The following SUFU variants were observed in gnomAD, a reference collection of about 807,000 sequenced individuals.
SUFU encodes the protein SUFU negative regulator of hedgehog signaling, also known as suppressor of fused homolog.
In SUFU, 7 loss-of-function variants were observed where a neutral mutation model predicts 58.9. The observed-to-expected ratio is 0.12, with a 90% CI of 0.07 to 0.22. The LOEUF is 0.22. Ranked by LOEUF, SUFU falls within the 10% of genes least tolerant of loss-of-function variation. SUFU has a pLI of 1.00. For missense variants in SUFU, 451 were observed against 641.3 expected (o/e 0.70, Z 3.20); for synonymous variants, 232 against 254.8 (o/e 0.91, Z 0.85).
At chr10:102,555,970 T>G (rs2062971605) in intron 3 of SUFU, among the ~76,000 whole-genome samples, 1 of 152,226 alleles carries the variant, frequency 6.6e-6, no homozygotes, top group Non-Finnish European at 1.5e-5. Context: ...CACCTTAAAC[T>G]TAGTGAGTTT....
intron 3 of SUFU, among the ~76,000 whole-genome samples, chr10:102,587,860 T>C (rs767655241): frequency 1.8e-4 from 28 of 152,324 alleles, no homozygotes; most frequent in African/African-American, 6.7e-4. Context: ...GCTTTTGATA[T>C]TGTATGGAAG....
intron 8 of SUFU, among the ~76,000 whole-genome samples, 196 bp from the exon 9 acceptor site, chr10:102,615,072 A>C (rs561042903): frequency 2.0e-5 from 3 of 152,160 alleles, no homozygotes; most frequent in South Asian, 2.1e-4. Context: ...CATTGTGAGG[A>C]GTAGCCAGTC....
chr10:102,623,354 C>T (rs1487068664), intron 10 of SUFU, among the ~76,000 whole-genome samples: 3 of 152,242 alleles, frequency 2.0e-5, no homozygotes, highest in African/African-American at 7.2e-5. Flanking sequence ...CATCTCTGGG[C>T]ATTGGTTTGC....
intron 3 of SUFU, among the ~76,000 whole-genome samples, chr10:102,567,608 T>G (rs1053984824): frequency 2.6e-5 from 4 of 152,164 alleles, no homozygotes; most frequent in African/African-American, 7.2e-5. Flanking sequence ...GCCCTCTCTC[T>G]GGACAGATGA....
intron 3 of SUFU, among the ~76,000 whole-genome samples, chr10:102,559,946 C>G (rs997380835): frequency 6.6e-6 from 1 of 152,172 alleles, no homozygotes; most frequent in Non-Finnish European, 1.5e-5. Context: ...GACATGTGCT[C>G]AGTTGGCTCG....
intron 2 of SUFU, among the ~76,000 whole-genome samples, chr10:102,513,340 C>T (rs555024682): frequency 2.0e-5 from 3 of 152,196 alleles, no homozygotes; most frequent in African/African-American, 7.2e-5. Context: ...AAATGGATCT[C>T]TGGCAACAAT....
At chr10:102,578,883 A>C (rs1473945634) in intron 3 of SUFU, among the ~76,000 whole-genome samples, 1 of 151,880 alleles carries the variant, frequency 6.6e-6, no homozygotes, top group African/African-American at 2.4e-5. Flanking sequence ...AGGGAGAAAA[A>C]AAAAAAAGAG....
intron 10 of SUFU, 47 bp from the exon 11 acceptor site, chr10:102,627,128 T>C: frequency 6.2e-7 from 1 of 1,602,654 alleles, no homozygotes; most frequent in Non-Finnish European, 8.5e-7. Flanking sequence ...GGCAAAAAGA[T>C]CATACATTTA....
intron 8 of SUFU, among the ~76,000 whole-genome samples, chr10:102,609,439 G>T (rs938491985): frequency 2.6e-5 from 4 of 152,206 alleles, no homozygotes; most frequent in African/African-American, 7.2e-5. Flanking sequence ...TGTCAGCATA[G>T]ACTTTAAAGA....
chr10:102,531,469 CT>C (rs2062677218), intron 2 of SUFU, among the ~76,000 whole-genome samples: 1 of 152,130 alleles, frequency 6.6e-6, no homozygotes, highest in African/African-American at 2.4e-5. Context: ...TCTTGTTGAG[CT>C]GATGCCCATT....
intron 8 of SUFU, among the ~76,000 whole-genome samples, chr10:102,610,676 C>T (rs764230319): frequency 6.6e-6 from 1 of 152,154 alleles, no homozygotes; most frequent in Non-Finnish European, 1.5e-5. Flanking sequence ...TTAATCAAAG[C>T]CTGGGATGAG....
At chr10:102,608,132 G>A (rs1374384799) in intron 8 of SUFU, among the ~76,000 whole-genome samples, 1 of 151,844 alleles carries the variant, frequency 6.6e-6, no homozygotes, top group African/African-American at 2.4e-5. Context: ...GCTGAGGTGG[G>A]AGAATCGCTT....
At chr10:102,506,142 G>A (rs1482394280) in intron 1 of SUFU, among the ~76,000 whole-genome samples, 1 of 151,484 alleles carries the variant, frequency 6.6e-6, no homozygotes, top group East Asian at 1.9e-4. Flanking sequence ...CACAGATTCA[G>A]GCAACTATTT....
rs2063726229 is a variant in SUFU, at chr10:102,619,960, G to T, written c.1296+2532G>T. On this transcript the variant is annotated intron_variant, in intron 10 of 11. Transcript: ENST00000369902. This position sits in a 1 kb window ranked among gnomAD's most constrained non-coding sequence, Gnocchi z 4.2. ...CAGGAGGGGACCCCAGCACAAAGAG[G>T]CCCACCCTTGCTCCCTGCAGGCATC... is the stretch of plus-strand genomic sequence containing the variant. Among the ~76,000 whole-genome samples, 1 of 152,152 alleles carries T rather than the reference G, an allele frequency of 6.6e-6. No individual in the cohort carries two copies. Among genetic ancestry groups the T allele is most frequent in the Non-Finnish European group, 1.5e-5 (1 of 68,020 alleles).
At chr10:102,522,463 T>G (rs2062561792) in intron 2 of SUFU, among the ~76,000 whole-genome samples, 1 of 152,102 alleles carries the variant, frequency 6.6e-6, no homozygotes, top group Non-Finnish European at 1.5e-5. Flanking sequence ...CTTGGGTGCG[T>G]GGTACAGAAG....
In SUFU at chr10:102,597,164, A is replaced by G; in HGVS notation, c.781A>G (p.Thr261Ala). The G allele has an allele frequency of 6.2e-7, 1 of 1,613,964 alleles. No individual in the cohort carries two copies. Among genetic ancestry groups the G allele is most frequent in the South Asian group, 1.1e-5 (1 of 91,058 alleles). ...GGAGAGAGTTGACAAAGGCATCGAG[A>G]CAGATGGCTCCAACCTGAGTGGTGT... Reference protein sequence around the residue: ...LQERVDKGIETDGSNLSGVSA... With the variant: ...LQERVDKGIEADGSNLSGVSA... Residue 261 changes from threonine to alanine, a missense_variant, in exon 7 of 12, where the codon ACA (threonine) becomes GCA (alanine). Transcript: ENST00000369902.
intron 3 of SUFU, among the ~76,000 whole-genome samples, chr10:102,554,012 A>G (rs771181500): frequency 2.6e-5 from 4 of 152,164 alleles, no homozygotes; most frequent in Admixed American, 6.6e-5. Context: ...AGGATTACGC[A>G]TAAGCCTGGA....
At position 102,619,268 on chromosome 10, in the gene SUFU, C is replaced by T. The variant is rs1159147135; in HGVS notation, c.1296+1840C>T. On this transcript the variant is annotated intron_variant, in intron 10 of 11. Transcript: ENST00000369902. This position sits in a 1 kb window ranked among gnomAD's most constrained non-coding sequence, Gnocchi z 4.2. ...CCCAAGCCCCTGACCCCCTAGCTGC[C>T]GGGGTTCCCACTCCCAGTGCCACAA... 19 of 1,457,082 alleles carry T rather than the reference C, an allele frequency of 1.3e-5. No individual in the cohort carries two copies. The Admixed American group carries it at 1.4e-4, about 11-fold the overall frequency. 90.3% of individuals were successfully genotyped at this position (1,457,082 alleles called of 1,614,324 possible).
At chr10:102,590,244 C>A (rs2063384406) in intron 3 of SUFU, among the ~76,000 whole-genome samples, 1 of 138,264 alleles carries the variant, frequency 7.2e-6, no homozygotes, top group Non-Finnish European at 1.5e-5. Flanking sequence ...CTGCTCACTG[C>A]AACCTCCACC....
Sources: gnomAD v4.1 joint callset for allele counts (sites outside exome capture counted in the v4.1 genomes callset) on GRCh38, gnomAD v4.1.1 for gene constraint, Gnocchi (gnomAD v3.1) non-coding constraint, MANE v1.5 for transcripts, NCBI Gene and HGNC (gene_info 2026-07-23, HGNC 2026-07-21) for gene names.